Variants in PPP4R2 observed in about 807,000 individuals in gnomAD.
PPP4R2 encodes serine/threonine-protein phosphatase 4 regulatory subunit 2.
Under a neutral mutation model 47.2 loss-of-function variants are expected in PPP4R2, and 13 were observed. The observed-to-expected ratio is 0.28, with a 90% CI of 0.18 to 0.44. PPP4R2 has a LOEUF of 0.44. Ranked by LOEUF, PPP4R2 falls within the 20% of genes least tolerant of loss-of-function variation. PPP4R2 has a pLI of 1.00. For synonymous variants in PPP4R2, 151 were observed against 163.3 expected (o/e 0.92, Z 0.57); for missense variants, 421 against 491.2 (o/e 0.86, Z 1.35).
intron 2 of PPP4R2, among the ~76,000 whole-genome samples, chr3:73,006,105 A>G (rs1047854170): frequency 6.6e-6 from 1 of 151,874 alleles, no homozygotes; most frequent in Non-Finnish European, 1.5e-5. Flanking sequence ...GGAACCATAC[A>G]GTATGTATTC....
At chr3:73,062,751 C>T (rs1247522846) in intron 5 of PPP4R2, 1 of 1,613,982 alleles carries the variant, frequency 6.2e-7, no homozygotes, top group Non-Finnish European at 8.5e-7. Flanking sequence ...AAGACTTTCA[C>T]ATGGTGAGAG....
At chr3:72,997,146 T>C in intron 1 of PPP4R2, 75 bp downstream of exon 1, 2 of 1,190,486 alleles carry the variant, frequency 1.7e-6, no homozygotes, top group Non-Finnish European at 2.2e-6. Context: ...GGGCGGATGG[T>C]TCCGAGGACC....
Position 73,064,864 on chromosome 3 carries a change from C to A in PPP4R2, c.651C>A (p.Thr217=), listed in dbSNP as rs1327877853. 6.2e-7 allele frequency: 1 copy of A among 1,604,366 alleles called. No individual in the cohort carries two copies. Among genetic ancestry groups the A allele is most frequent in the Non-Finnish European group, 8.5e-7 (1 of 1,176,590 alleles). ...NEEKNHSDSS[T]SESEVSSVSP... ...AAAACATTTACAGTGACTCTTCGAC[C>A]TCTGAATCAGAAGTTTCCTCAGTGA... Residue 217 remains threonine (T), a synonymous_variant, in exon 8 of 9, where the codon ACC becomes ACA. Coordinates refer to ENST00000356692, the MANE Select transcript of PPP4R2 (RefSeq NM_174907.4).
At chr3:73,002,831 A>T (rs780421810) in intron 2 of PPP4R2, among the ~76,000 whole-genome samples, 3 of 150,868 alleles carry the variant, frequency 2.0e-5, no homozygotes, top group African/African-American at 4.9e-5. Flanking sequence ...TTTAGTAGAG[A>T]TGGGGTTTCA....
At chr3:73,024,818 T>C (rs1430151183) in intron 2 of PPP4R2, among the ~76,000 whole-genome samples, 2 of 152,168 alleles carry the variant, frequency 1.3e-5, no homozygotes, top group Non-Finnish European at 2.9e-5. Flanking sequence ...GCACAACTGA[T>C]TGTGGTTCAC....
At chr3:73,011,438 A>G (rs1016797582) in intron 2 of PPP4R2, among the ~76,000 whole-genome samples, 1 of 152,124 alleles carries the variant, frequency 6.6e-6, no homozygotes, top group Non-Finnish European at 1.5e-5. Context: ...CCAAGATTGC[A>G]CCACCACACT....
At chr3:73,006,069 T>G (rs1279926083) in intron 2 of PPP4R2, among the ~76,000 whole-genome samples, 2 of 152,184 alleles carry the variant, frequency 1.3e-5, no homozygotes, top group African/African-American at 4.8e-5. Context: ...TAGATTAGTT[T>G]GTGAGTTCTA....
At chr3:73,053,950 C>T (rs1418468791) in intron 3 of PPP4R2, among the ~76,000 whole-genome samples, 5 of 148,034 alleles carry the variant, frequency 3.4e-5, no homozygotes, top group Non-Finnish European at 7.4e-5. Flanking sequence ...TGATTTGAGA[C>T]ATAAGATTAT....
intron 3 of PPP4R2, among the ~76,000 whole-genome samples, chr3:73,052,718 C>T (rs1465975513): frequency 6.6e-6 from 1 of 152,162 alleles, no homozygotes; most frequent in African/African-American, 2.4e-5. Flanking sequence ...TTGACCCTTT[C>T]TTGTCATTGC....
chr3:73,005,619 C>T (rs903807546), intron 2 of PPP4R2, among the ~76,000 whole-genome samples: 8 of 151,650 alleles, frequency 5.3e-5, no homozygotes, highest in Non-Finnish European at 1.2e-4. Flanking sequence ...GAGGCTGAGG[C>T]CGGCGGATCA....
At position 73,022,241 on chromosome 3, in the gene PPP4R2, T is replaced by G. The variant is rs376479357; in HGVS notation, c.116+24083T>G. ...CTTATTGCTTTTATCAGCATTGGCC[T>G]GTACAAAATACATTAACTTCATTTT... is the stretch of plus-strand genomic sequence containing the variant. On this transcript the variant is annotated intron_variant, in intron 2 of 8. Transcript: ENST00000356692. Among the ~76,000 whole-genome samples, 17 of 152,310 alleles carry G rather than the reference T, an allele frequency of 1.1e-4. No homozygotes were observed. The East Asian group carries it at 3.3e-3, about 29-fold the overall frequency.
chr3:73,030,067 G>A (rs1009627404), intron 2 of PPP4R2, among the ~76,000 whole-genome samples: 1 of 152,096 alleles, frequency 6.6e-6, no homozygotes, highest in African/African-American at 2.4e-5. Flanking sequence ...ATTTTTAAAT[G>A]GTATTGGAAC....
chr3:73,047,774 GGCTT>G (rs1378139510), intron 3 of PPP4R2, among the ~76,000 whole-genome samples: 3 of 152,202 alleles, frequency 2.0e-5, no homozygotes, highest in African/African-American at 7.2e-5. Flanking sequence ...CCTAAGTAAC[GGCTT>G]GCTTGTTAGT....
At chr3:73,048,661 C>G (rs3821378) in intron 3 of PPP4R2, among the ~76,000 whole-genome samples, 70,463 of 152,064 alleles carry the variant, frequency 0.46, 16,586 homozygotes, top group South Asian at 0.61. Context: ...AACAACAATA[C>G]CAAATATAAT....
chr3:73,032,550 G>C, intron 2 of PPP4R2, among the ~76,000 whole-genome samples: 1 of 152,080 alleles, frequency 6.6e-6, no homozygotes, highest in Admixed American at 6.6e-5. Flanking sequence ...GCCTCCCAAA[G>C]TGCTGGGATT....
At chr3:73,048,539 C>T (rs1350101712) in intron 3 of PPP4R2, among the ~76,000 whole-genome samples, 3 of 152,228 alleles carry the variant, frequency 2.0e-5, no homozygotes. Context: ...CAGGCGTGAG[C>T]CCCCGCGCCC....
At chr3:73,033,803 T>G (rs1452470034) in intron 2 of PPP4R2, among the ~76,000 whole-genome samples, 1 of 152,244 alleles carries the variant, frequency 6.6e-6, no homozygotes, top group Non-Finnish European at 1.5e-5. Flanking sequence ...TTATTTTACT[T>G]CACGTAATGC....
At position 73,043,939 on chromosome 3, in the gene PPP4R2, C is replaced by T. The variant is rs141175375; in HGVS notation, c.117-3247C>T. ...TCACCTTCCTCCCCACAGTTCCAGA[C>T]GACTCTAAATTGACTATTCTTGATA... On this transcript the variant is annotated intron_variant, in intron 2 of 8. Transcript: ENST00000356692. Among the ~76,000 whole-genome samples the T allele has an allele frequency of 2.6e-5, 4 of 152,196 alleles. No individual in the cohort carries two copies. In the South Asian group the frequency reaches 6.2e-4, roughly 24 times the overall value.
chr3:73,062,455 G>GT (rs1330334704), intron 5 of PPP4R2: 1 of 1,612,252 alleles, frequency 6.2e-7, no homozygotes, highest in East Asian at 2.2e-5. Flanking sequence ...GTGACCCCAA[G>GT]TTTAGTATTC....
Sources: allele counts gnomAD v4.1 joint callset (sites outside exome capture counted in the v4.1 genomes callset), GRCh38; gene constraint gnomAD v4.1.1; transcripts MANE v1.5; gene names NCBI Gene and HGNC (gene_info 2026-07-23, HGNC 2026-07-21).